AMY2A: variants seen among roughly 807,000 people sequenced by gnomAD.
AMY2A encodes the protein amylase alpha 2A, also known as pancreatic alpha-amylase.
A neutral mutation model predicts 43.0 loss-of-function variants in AMY2A; 16 were observed. The observed-to-expected ratio is 0.37, with a 90% confidence interval of 0.25 to 0.56. The LOEUF (loss-of-function observed/expected upper bound fraction) is 0.56. Ranked by LOEUF, AMY2A falls within the 20% of genes least tolerant of loss-of-function variation. The probability of loss-of-function intolerance (pLI) is 0.77; values close to 1 mark genes in which losing one functional copy is unlikely to be tolerated. For synonymous variants in AMY2A, 70 were observed against 144.6 expected (o/e 0.48, Z 3.70); for missense variants, 212 against 456.8 (o/e 0.46, Z 4.89).
At chr1:103,619,142 A>G in intron 3 of AMY2A, 34 bp downstream of exon 3, 3 of 719,780 alleles carry the variant, frequency 4.2e-6, no homozygotes, top group Non-Finnish European at 4.3e-6. Flanking sequence ...TGAATAAAAG[A>G]GTAATATATG....
chr1:103,619,265 A>G (rs1338395309), intron 3 of AMY2A, among the ~76,000 whole-genome samples, 157 bp downstream of exon 3: 2 of 149,724 alleles, frequency 1.3e-5, no homozygotes, highest in East Asian at 3.9e-4. Flanking sequence ...ATCCATATTT[A>G]AGAACTTTCA....
chr1:103,618,479 T>G (rs955698491), intron 2 of AMY2A, among the ~76,000 whole-genome samples: 2 of 150,934 alleles, frequency 1.3e-5, no homozygotes, highest in African/African-American at 4.8e-5. Flanking sequence ...TCATGGTGAA[T>G]AGCTAGCTTC....
At chr1:103,617,633 T>A (rs755910118) in intron 1 of AMY2A, 25 bp downstream of exon 1, 1 of 1,601,006 alleles carries the variant, frequency 6.2e-7, no homozygotes, top group Non-Finnish European at 8.5e-7. Flanking sequence ...TAGTATCAAT[T>A]GCGGAATTCA....
upstream of AMY2A, chr1:103,617,288 A>T (rs1357149559): frequency 9.8e-6 from 14 of 1,426,828 alleles, no homozygotes; most frequent in Middle Eastern, 2.6e-4. Context: ...GATGTTCTTT[A>T]CCTGTTAGGA....
At chr1:103,624,880 TG>T (rs1653279451) in intron 9 of AMY2A, among the ~76,000 whole-genome samples, 1 of 131,104 alleles carries the variant, frequency 7.6e-6, no homozygotes. Context: ...CAGAAGACCT[TG>T]GTGTAAACAG....
chr1:103,618,558 G>A (rs531880038), intron 2 of AMY2A, among the ~76,000 whole-genome samples: 1 of 150,796 alleles, frequency 6.6e-6, no homozygotes, highest in East Asian at 1.9e-4. Context: ...TTCATAGAGA[G>A]TACAGGCTTT....
At chr1:103,616,829 C>T (rs147874504), upstream of AMY2A, 23 of 260,344 alleles carry the variant, frequency 8.8e-5, no homozygotes, top group South Asian at 4.0e-4. Flanking sequence ...TGAGTCTGTG[C>T]GGCCAGCAGT....
chr1:103,623,304 T>A (rs1400709576), intron 7 of AMY2A, among the ~76,000 whole-genome samples: 1 of 136,454 alleles, frequency 7.3e-6, no homozygotes, highest in Non-Finnish European at 1.6e-5. Context: ...ATTGCATGGC[T>A]TACCACGATG....
intron 2 of AMY2A, 117 bp from the exon 3 acceptor site, chr1:103,618,794 T>G (rs1373918599): frequency 6.8e-7 from 1 of 1,463,286 alleles, no homozygotes; most frequent in Non-Finnish European, 9.3e-7. Context: ...GGAAAATAAT[T>G]ATAAGATATC....
chr1:103,619,619 G>A lies in AMY2A; in HGVS notation c.579G>A (p.Lys193=), dbSNP rs1211971224. 6.2e-7 allele frequency: 1 copy of A among 1,613,328 alleles called. No individual in the cohort carries two copies. The highest frequency in any genetic ancestry group is 2.2e-5 in the East Asian group (1 of 44,848). The change falls in exon 4 of 10, where the codon AAG becomes AAA. Residue 193 remains lysine (K), a synonymous_variant. Coordinates refer to ENST00000414303, the MANE Select transcript of AMY2A (RefSeq NM_000699.4). ...LALEKDYVRS[K]IAEYMNHLID... is the part of the protein sequence containing the mutation. ...TGGAGAAGGATTACGTGCGTTCTAAGATTGCCGAATATATGAACCATCTCA... is the reference window on the plus strand; with the variant it reads ...TGGAGAAGGATTACGTGCGTTCTAAAATTGCCGAATATATGAACCATCTCA...
In AMY2A at chr1:103,618,444, T is replaced by C. The variant is rs555750495; in HGVS notation, c.315+344T>C. Reference sequence around the variant, plus strand: ...TGCTATCATTTTTAGGTGACTTGTGTCTCCATCCGTAATTCTTGGGTTTTT... The same window carrying C: ...TGCTATCATTTTTAGGTGACTTGTGCCTCCATCCGTAATTCTTGGGTTTTT... On this transcript the variant is annotated intron_variant, in intron 2 of 9. Coordinates refer to ENST00000414303, the MANE Select transcript of AMY2A (RefSeq NM_000699.4). Among the ~76,000 whole-genome samples, 2 of 150,836 alleles carry C rather than the reference T, an allele frequency of 1.3e-5. 1 individual carries two copies. The highest frequency in any genetic ancestry group is 1.3e-4 in the Admixed American group (2 of 15,094).
upstream of AMY2A, among the ~76,000 whole-genome samples, chr1:103,617,212 G>A (rs1653100786): frequency 6.6e-6 from 1 of 150,708 alleles, no homozygotes. Context: ...TAAAAGTGCT[G>A]CCAGAACCTA....
At chr1:103,616,937 C>T, upstream of AMY2A, 1 of 993,838 alleles carries the variant, frequency 1.0e-6, no homozygotes, top group African/African-American at 1.7e-5. Flanking sequence ...TCTGTCCTGT[C>T]AGTCTGTCAG....
chr1:103,623,224 G>A (rs1445019521), intron 7 of AMY2A, among the ~76,000 whole-genome samples: 1 of 115,304 alleles, frequency 8.7e-6, no homozygotes, highest in Non-Finnish European at 1.9e-5. Context: ...AATTTTCTCA[G>A]GTACTAGTAA....
Position 103,618,013 on chromosome 1 carries a change from A to T in AMY2A, c.228A>T (p.Arg76Ser), listed in dbSNP as rs1380250245. 1.9e-6 allele frequency: 3 copies of T among 1,600,702 alleles called. No homozygotes were observed. Among genetic ancestry groups the T allele is most frequent in the East Asian group, 4.5e-5 (2 of 44,786 alleles). ...IYNPFRPWWE[R>S]YQPVSYKLCT... ...ACCCTTTCAGACCTTGGTGGGAAAG[A>T]TACCAACCAGTTAGCTATAAATTAT... The change falls in exon 2 of 10, where the codon AGA becomes AGT. Residue 76 changes from arginine to serine, a missense_variant. Arg to Ser is a moderately radical substitution (Grantham distance 110, BLOSUM62 -1). This residue lies in a region of AMY2A where 199 missense variants were observed against 210.6 expected (regional missense o/e 0.94). Transcript: ENST00000414303.
intron 4 of AMY2A, 60 bp downstream of exon 4, chr1:103,619,844 G>C (rs1306898961): frequency 6.3e-7 from 1 of 1,592,248 alleles, no homozygotes; most frequent in Admixed American, 1.7e-5. Flanking sequence ...ATTAATGGAA[G>C]ATTTAATTAA....
At chr1:103,617,396 A>G (rs755864845), upstream of AMY2A, 2 of 1,576,378 alleles carry the variant, frequency 1.3e-6, no homozygotes, top group African/African-American at 2.7e-5. Context: ...TTCTTACAGG[A>G]ATATAAATAG....
chr1:103,617,980 A>C lies in AMY2A; in HGVS notation c.195A>C (p.Ala65=), dbSNP rs762024550. ...VQVSPPNENV[A]IYNPFRPWWE... ...TCTCTCCACCAAATGAAAATGTTGC[A>C]ATTTACAACCCTTTCAGACCTTGGT... Residue 65 remains alanine, a synonymous_variant, in exon 2 of 10, where the codon GCA becomes GCC. Coordinates refer to ENST00000414303, the MANE Select transcript of AMY2A (RefSeq NM_000699.4). The C allele has an allele frequency of 7.0e-5, 112 of 1,600,590 alleles. 2 individuals carry two copies. The East Asian group carries it at 1.4e-3, about 20-fold the overall frequency.
intron 4 of AMY2A, 118 bp downstream of exon 4, chr1:103,619,902 T>C: frequency 6.7e-7 from 1 of 1,497,682 alleles, no homozygotes; most frequent in Non-Finnish European, 9.1e-7. Context: ...CATAAAACAG[T>C]GTTCTTTAAC....
Sources: gnomAD v4.1 joint callset for allele counts (sites outside exome capture counted in the v4.1 genomes callset) on GRCh38, gnomAD v4.1.1 for gene constraint, gnomAD v4.1.1 regional missense constraint, MANE v1.5 for transcripts, NCBI Gene and HGNC (gene_info 2026-07-23, HGNC 2026-07-21) for gene names.